ZC3H12B: variants seen among roughly 807,000 people sequenced by gnomAD.
The protein encoded by ZC3H12B is zinc finger CCCH-type containing 12B.
A neutral mutation model predicts 43.9 loss-of-function variants in ZC3H12B; 7 were observed. The observed-to-expected ratio is 0.16, with a 90% confidence interval of 0.09 to 0.30. ZC3H12B has a LOEUF of 0.30. ZC3H12B is among the 10% of genes least tolerant of loss of function. The pLI, the probability that ZC3H12B is intolerant of heterozygous loss-of-function variation, is 1.00. For synonymous variants in ZC3H12B, 222 were observed against 241.7 expected (o/e 0.92, Z 0.76); for missense variants, 475 against 670.2 (o/e 0.71, Z 3.22).
chrX:65,288,084 C>T, the ZC3H12B span, among the ~76,000 whole-genome samples: 1 of 109,417 alleles, frequency 9.1e-6, no homozygotes, highest in Middle Eastern at 4.7e-3. Flanking sequence ...TTCCTGGAAA[C>T]ATACAACCTC....
At chrX:65,098,498 G>A in the ZC3H12B span, among the ~76,000 whole-genome samples, 4 of 110,070 alleles carry the variant, frequency 3.6e-5, no homozygotes, top group Non-Finnish European at 7.6e-5. Flanking sequence ...CAGCTCCCAC[G>A]AAACCAATGC....
chrX:65,152,202 A>C, the ZC3H12B span, among the ~76,000 whole-genome samples: 1 of 111,378 alleles, frequency 9.0e-6, no homozygotes, highest in East Asian at 2.8e-4. Context: ...CACCACTCCT[A>C]CTCAACATAG....
the ZC3H12B span, among the ~76,000 whole-genome samples, chrX:65,095,732 G>A: frequency 8.9e-6 from 1 of 111,771 alleles, no homozygotes; most frequent in Non-Finnish European, 1.9e-5. Flanking sequence ...GGGGTTTTAT[G>A]AGTTTAACTG....
chrX:65,450,462 T>C (rs1220536401), intron 3 of ZC3H12B, among the ~76,000 whole-genome samples: 1 of 128 alleles, frequency 7.8e-3, no homozygotes, highest in African/African-American at 0.17. Flanking sequence ...TATATGTATA[T>C]ATATGTGTAT....
At chrX:65,198,314 A>G in the ZC3H12B span, among the ~76,000 whole-genome samples, 1 of 112,020 alleles carries the variant, frequency 8.9e-6, no homozygotes, top group Non-Finnish European at 1.9e-5. Flanking sequence ...TTTTCTGTGT[A>G]CTTACTATTA....
the ZC3H12B span, among the ~76,000 whole-genome samples, chrX:65,175,383 C>T: frequency 3.6e-5 from 4 of 111,549 alleles, no homozygotes; most frequent in South Asian, 1.5e-3. Flanking sequence ...TTAAAAATTT[C>T]CCCCATGTCA....
the ZC3H12B span, among the ~76,000 whole-genome samples, chrX:65,067,479 C>T: frequency 9.0e-6 from 1 of 110,584 alleles, no homozygotes; most frequent in South Asian, 3.9e-4. Flanking sequence ...CACCCACTGT[C>T]TAACCAGTCC....
At chrX:65,108,927 G>A in the ZC3H12B span, among the ~76,000 whole-genome samples, 6 of 111,102 alleles carry the variant, frequency 5.4e-5, no homozygotes, top group Middle Eastern at 4.6e-3. Flanking sequence ...GACCACCATC[G>A]TATATGTGAT....
chrX:65,472,976 G>GTATATA (rs1233764716), intron 3 of ZC3H12B, among the ~76,000 whole-genome samples: 114 of 73,453 alleles, frequency 1.6e-3, no homozygotes, highest in African/African-American at 3.2e-3. Context: ...GTATGTGTGT[G>GTATATA]TATATATATA....
At chrX:65,293,204 C>T in the ZC3H12B span, among the ~76,000 whole-genome samples, 2 of 110,952 alleles carry the variant, frequency 1.8e-5, no homozygotes, top group African/African-American at 6.6e-5. Flanking sequence ...CAGTACCACC[C>T]TGGAGTCTGG....
chrX:65,413,847 C>G (rs2066931387), intron 3 of ZC3H12B, among the ~76,000 whole-genome samples: 1 of 112,165 alleles, frequency 8.9e-6, no homozygotes, highest in Non-Finnish European at 1.9e-5. Context: ...ATTTGGTAGA[C>G]ATTCCATTGA....
chrX:65,085,208 G>T, the ZC3H12B span, among the ~76,000 whole-genome samples: 2 of 111,236 alleles, frequency 1.8e-5, no homozygotes, highest in African/African-American at 6.5e-5. Context: ...AGCACAACAG[G>T]ATGATTGTAG....
intron 3 of ZC3H12B, among the ~76,000 whole-genome samples, chrX:65,411,508 A>G (rs1199826331): frequency 9.0e-6 from 1 of 111,118 alleles, no homozygotes; most frequent in East Asian, 2.8e-4. Flanking sequence ...TGGGCAGATC[A>G]TGAGGTCACG....
chrX:65,053,156 C>G, the ZC3H12B span, among the ~76,000 whole-genome samples: 14 of 109,979 alleles, frequency 1.3e-4, no homozygotes, highest in Non-Finnish European at 2.3e-4. Flanking sequence ...TGTGTACAAC[C>G]TGCAGGTTTG....
chrX:65,477,943 A>T (rs2068017257), intron 3 of ZC3H12B, among the ~76,000 whole-genome samples: 1 of 107,119 alleles, frequency 9.3e-6, no homozygotes, highest in Admixed American at 1.0e-4. Context: ...AGGTAATCTC[A>T]GTTAACCTGT....
the ZC3H12B span, among the ~76,000 whole-genome samples, chrX:65,346,625 T>C: frequency 1.8e-5 from 2 of 111,436 alleles, no homozygotes; most frequent in South Asian, 3.7e-4. Flanking sequence ...GACAGGTGGG[T>C]CCTAATTAAA....
intron 3 of ZC3H12B, among the ~76,000 whole-genome samples, chrX:65,431,458 C>T (rs1290342659): frequency 8.9e-6 from 1 of 112,464 alleles, no homozygotes; most frequent in Admixed American, 9.4e-5. Flanking sequence ...TGGTGAGTTG[C>T]AGTTCATGTT....
chrX:65,143,584 A>G, the ZC3H12B span, among the ~76,000 whole-genome samples: 1 of 102,817 alleles, frequency 9.7e-6, no homozygotes, highest in African/African-American at 3.6e-5. Context: ...TTTAATGGAG[A>G]TGGAGTCTCC....
At chrX:65,256,784 C>T in the ZC3H12B span, among the ~76,000 whole-genome samples, 1 of 111,449 alleles carries the variant, frequency 9.0e-6, no homozygotes, top group Non-Finnish European at 1.9e-5. Context: ...AGATAGACTG[C>T]CAGCAAGGAT....
Sources: gnomAD v4.1 joint callset for allele counts (sites outside exome capture counted in the v4.1 genomes callset) on GRCh38, gnomAD v4.1.1 for gene constraint, MANE v1.5 for transcripts, NCBI Gene and HGNC (gene_info 2026-07-23, HGNC 2026-07-21) for gene names.